TRPC6: variants seen among roughly 807,000 people sequenced by gnomAD.
TRPC6 encodes the protein transient receptor potential cation channel subfamily C member 6, also known as short transient receptor potential channel 6.
TRPC6 carries 55 observed loss-of-function variants against 90.7 expected under a neutral mutation model. The ratio of observed to expected loss-of-function variants is 0.61; its 90% CI spans 0.49 to 0.76. TRPC6 has a LOEUF of 0.76. Among genes scored for constraint, TRPC6 ranks in the 30% least tolerant of loss-of-function variants. The pLI, the probability that TRPC6 is intolerant of heterozygous loss-of-function variation, is 0.00. For missense variants in TRPC6, 989 were observed against 1,122.7 expected (o/e 0.88, Z 1.70); for synonymous variants, 393 against 393.0 (o/e 1.00, Z 0.00).
intron 1 of TRPC6, among the ~76,000 whole-genome samples, chr11:101,523,152 C>A (rs867777433): frequency 2.6e-5 from 4 of 152,114 alleles, no homozygotes; most frequent in Non-Finnish European, 5.9e-5. Flanking sequence ...TCTGATCTAC[C>A]AAGGCACTTT....
At chr11:101,472,041 G>T in intron 8 of TRPC6, 96 bp downstream of exon 8, 1 of 1,265,354 alleles carries the variant, frequency 7.9e-7, no homozygotes, top group South Asian at 1.2e-5. Context: ...AACAAAGGGC[G>T]AAGAGCAGTC....
At chr11:101,511,619 AG>A (rs749189891) in intron 1 of TRPC6, among the ~76,000 whole-genome samples, 67 of 152,262 alleles carry the variant, frequency 4.4e-4, no homozygotes, top group Non-Finnish European at 8.8e-4. Flanking sequence ...CAGGGGACAA[AG>A]GAAGTTGAAA....
intron 1 of TRPC6, among the ~76,000 whole-genome samples, chr11:101,505,535 G>T (rs7927661): frequency 6.6e-6 from 1 of 151,984 alleles, no homozygotes; most frequent in Non-Finnish European, 1.5e-5. Flanking sequence ...CAGAGGTATC[G>T]GCTAGATGTT....
intron 1 of TRPC6, among the ~76,000 whole-genome samples, chr11:101,539,699 A>G (rs1861128426): frequency 6.6e-6 from 1 of 152,238 alleles, no homozygotes; most frequent in African/African-American, 2.4e-5. Context: ...ATACTTTAGA[A>G]AAATTGCTCA....
chr11:101,489,900 T>C (rs1224723383), intron 3 of TRPC6, among the ~76,000 whole-genome samples: 3 of 152,262 alleles, frequency 2.0e-5, no homozygotes, highest in Non-Finnish European at 4.4e-5. Flanking sequence ...TAAAACAAGA[T>C]AGAATGTTTA....
At chr11:101,458,349 C>T (rs187091810) in intron 10 of TRPC6, among the ~76,000 whole-genome samples, 124 of 152,266 alleles carry the variant, frequency 8.1e-4, no homozygotes, top group African/African-American at 2.8e-3. Context: ...CAGTGATTCA[C>T]GCATTCAGAT....
At chr11:101,555,510 C>A (rs1376502816) in intron 1 of TRPC6, among the ~76,000 whole-genome samples, 1 of 152,134 alleles carries the variant, frequency 6.6e-6, no homozygotes, top group Non-Finnish European at 1.5e-5. Context: ...TCTGCTTTTC[C>A]GCATCCTGGT....
rs1858794272 is a variant in TRPC6 at position 101,452,874 on chromosome 11, T to C, written c.*81A>G. On this transcript the variant is annotated 3_prime_UTR_variant, in exon 13 of 13. Transcript: ENST00000344327. ...TTTTCTTGTTTAAAAGGTGGGCCCATTGGCACTTAAGAAAATAAATCAGAA... is the reference window on the plus strand; with the variant it reads ...TTTTCTTGTTTAAAAGGTGGGCCCACTGGCACTTAAGAAAATAAATCAGAA... 3.9e-6 allele frequency: 6 copies of C among 1,544,130 alleles called. No individual in the cohort carries two copies. The highest frequency in any genetic ancestry group is 1.9e-4 in the Middle Eastern group (1 of 5,264).
At chr11:101,520,491 A>G (rs1313034436) in intron 1 of TRPC6, among the ~76,000 whole-genome samples, 1 of 152,226 alleles carries the variant, frequency 6.6e-6, no homozygotes, top group Non-Finnish European at 1.5e-5. Context: ...TGTAAAAGCA[A>G]CTTTGGAACC....
chr11:101,533,946 T>A (rs1264377470), intron 1 of TRPC6, among the ~76,000 whole-genome samples: 1 of 152,168 alleles, frequency 6.6e-6, no homozygotes, highest in Non-Finnish European at 1.5e-5. Flanking sequence ...TAACTCCACA[T>A]TAGCTATTAA....
chr11:101,565,839 G>A (rs1009085330), intron 1 of TRPC6, among the ~76,000 whole-genome samples: 2 of 151,946 alleles, frequency 1.3e-5, no homozygotes, highest in African/African-American at 2.4e-5. Context: ...CTGTTTCATA[G>A]GGAAACTATA....
In TRPC6 at chr11:101,536,302, G is replaced by A. The variant is rs12421364; in HGVS notation, c.171-31504C>T. On this transcript the variant is annotated intron_variant, in intron 1 of 12. Transcript: ENST00000344327. ...CTTGGGAGGCTGAGGCACCAGGATC[G>A]CTTGAATCCGGGAGGCGGAGGTTGC... Among the ~76,000 whole-genome samples the A allele has an allele frequency of 7.4e-3, 1,121 of 152,210 alleles. 57 individuals are homozygous for A. Among genetic ancestry groups the A allele is most frequent in the Admixed American group, 0.064 (981 of 15,282 alleles).
At chr11:101,548,122 T>A (rs891429230) in intron 1 of TRPC6, among the ~76,000 whole-genome samples, 1 of 151,448 alleles carries the variant, frequency 6.6e-6, no homozygotes, top group Non-Finnish European at 1.5e-5. Flanking sequence ...ATGCACCAAC[T>A]ATAATCTAAG....
chr11:101,474,727 T>C (rs1859373439), intron 6 of TRPC6, among the ~76,000 whole-genome samples: 1 of 152,164 alleles, frequency 6.6e-6, no homozygotes, highest in African/African-American at 2.4e-5. Context: ...TAATTTCTTA[T>C]CAGAGGGTTT....
At chr11:101,552,970 T>A (rs1467436744) in intron 1 of TRPC6, among the ~76,000 whole-genome samples, 7 of 152,110 alleles carry the variant, frequency 4.6e-5, no homozygotes, top group African/African-American at 1.7e-4. Flanking sequence ...TTTTATCAGA[T>A]AACGGCTGAG....
intron 1 of TRPC6, among the ~76,000 whole-genome samples, chr11:101,521,417 T>C (rs1025395157): frequency 2.0e-5 from 3 of 152,234 alleles, no homozygotes; most frequent in African/African-American, 7.2e-5. Context: ...TTGGAAGCCT[T>C]TGTCTAGATT....
intron 5 of TRPC6, 128 bp from the exon 6 acceptor site, chr11:101,476,662 C>T (rs560338037): frequency 1.8e-5 from 14 of 776,578 alleles, no homozygotes; most frequent in East Asian, 1.1e-4. Context: ...CCCAACCTGC[C>T]GTCCCACCAT....
chr11:101,464,828 G>A (rs1859104649), intron 10 of TRPC6, among the ~76,000 whole-genome samples: 1 of 152,230 alleles, frequency 6.6e-6, no homozygotes, highest in African/African-American at 2.4e-5. Flanking sequence ...ATTTGATCCT[G>A]TCATTATGAT....
intron 7 of TRPC6, among the ~76,000 whole-genome samples, chr11:101,472,830 T>G (rs1288732943): frequency 2.0e-5 from 3 of 152,190 alleles, no homozygotes; most frequent in Non-Finnish European, 4.4e-5. Flanking sequence ...GCCAGTTTGC[T>G]TAACTCAGGT....
Sources: allele counts gnomAD v4.1 joint callset (sites outside exome capture counted in the v4.1 genomes callset), GRCh38; gene constraint gnomAD v4.1.1; transcripts MANE v1.5; gene names NCBI Gene and HGNC (gene_info 2026-07-23, HGNC 2026-07-21).